The following ACCSL variants were observed in gnomAD, a reference collection of about 807,000 sequenced individuals.
The protein encoded by ACCSL is probable inactive 1-aminocyclopropane-1-carboxylate synthase-like protein 2.
ACCSL carries 55 observed loss-of-function variants against 61.7 expected under a neutral mutation model. The ratio of observed to expected loss-of-function variants is 0.89; its 90% CI spans 0.72 to 1.12. The LOEUF (loss-of-function observed/expected upper bound fraction) is 1.12, where lower values mean the gene tolerates loss of function less well. Among genes scored for constraint, ACCSL ranks in the 50% most tolerant of loss-of-function variants. The pLI is 0.00. For synonymous variants in ACCSL, 258 were observed against 264.3 expected (o/e 0.98, Z 0.23); for missense variants, 632 against 698.0 (o/e 0.91, Z 1.07).
the ACCSL span, among the ~76,000 whole-genome samples, chr11:43,952,494 C>T: frequency 6.6e-6 from 1 of 152,184 alleles, no homozygotes; most frequent in Non-Finnish European, 1.5e-5. Flanking sequence ...CGTCCCCTGA[C>T]CTAACCAGTT....
chr11:43,980,089 T>C, the ACCSL span, among the ~76,000 whole-genome samples: 4 of 152,224 alleles, frequency 2.6e-5, no homozygotes, highest in African/African-American at 9.6e-5. Context: ...CTTCTTTTTC[T>C]TCTTTGTAAT....
At chr11:44,003,716 A>G in the ACCSL span, among the ~76,000 whole-genome samples, 39 of 151,750 alleles carry the variant, frequency 2.6e-4, no homozygotes, top group Non-Finnish European at 4.6e-4. Flanking sequence ...TTTTCATCCT[A>G]TACAACCGAA....
chr11:43,962,445 T>A, the ACCSL span, among the ~76,000 whole-genome samples: 1 of 152,182 alleles, frequency 6.6e-6, no homozygotes, highest in African/African-American at 2.4e-5. Flanking sequence ...CTGGCCAGAT[T>A]TCAAACAGAG....
intron 3 of ACCSL, 59 bp downstream of exon 3, chr11:44,050,681 A>G (rs1248518386): frequency 1.3e-6 from 2 of 1,548,098 alleles, no homozygotes; most frequent in Admixed American, 1.8e-5. Flanking sequence ...CTTATCCAGA[A>G]GGAGGATTCA....
the ACCSL span, among the ~76,000 whole-genome samples, chr11:43,925,658 C>G: frequency 8.5e-5 from 13 of 152,050 alleles, no homozygotes; most frequent in Middle Eastern, 3.2e-3. Context: ...CCCACCCCTA[C>G]CCTAGCCTCC....
the ACCSL span, among the ~76,000 whole-genome samples, chr11:43,982,776 C>T: frequency 6.6e-6 from 1 of 152,158 alleles, no homozygotes; most frequent in Non-Finnish European, 1.5e-5. Context: ...TGTGGAGGTT[C>T]AGGTCCCCAG....
chr11:44,023,716 T>C, the ACCSL span, among the ~76,000 whole-genome samples: 1 of 151,862 alleles, frequency 6.6e-6, no homozygotes, highest in African/African-American at 2.4e-5. Flanking sequence ...TTTAATTTTC[T>C]AATTTCTGAA....
chr11:43,982,973 C>T, the ACCSL span, among the ~76,000 whole-genome samples: 27 of 152,324 alleles, frequency 1.8e-4, no homozygotes, highest in African/African-American at 6.3e-4. Context: ...GGCAGGCCTC[C>T]AGCCCCTAGT....
intron 1 of ACCSL, among the ~76,000 whole-genome samples, chr11:44,049,113 G>A (rs780457662): frequency 1.3e-5 from 2 of 152,060 alleles, no homozygotes; most frequent in Non-Finnish European, 2.9e-5. Context: ...AGGTGGATGG[G>A]AGGTGTTAAG....
At chr11:43,992,240 G>C in the ACCSL span, among the ~76,000 whole-genome samples, 2 of 150,934 alleles carry the variant, frequency 1.3e-5, no homozygotes, top group African/African-American at 2.4e-5. Context: ...TTTTTGTTGA[G>C]ACCGGGTTTT....
the ACCSL span, among the ~76,000 whole-genome samples, chr11:44,006,205 G>T: frequency 1.3e-5 from 2 of 152,212 alleles, no homozygotes; most frequent in Non-Finnish European, 2.9e-5. Context: ...TAGGGGCAGG[G>T]TGCTAGGTGG....
chr11:43,926,820 G>A, the ACCSL span, among the ~76,000 whole-genome samples: 3 of 152,182 alleles, frequency 2.0e-5, 1 homozygote, highest in South Asian at 6.2e-4. Context: ...TGCAATCATG[G>A]CTCACTGCAG....
chr11:43,935,108 C>T, the ACCSL span, among the ~76,000 whole-genome samples: 1 of 152,166 alleles, frequency 6.6e-6, no homozygotes, highest in Non-Finnish European at 1.5e-5. Context: ...GAATGGGTCC[C>T]CTCATCCTCC....
At chr11:43,962,374 T>C in the ACCSL span, among the ~76,000 whole-genome samples, 1 of 152,232 alleles carries the variant, frequency 6.6e-6, no homozygotes, top group Non-Finnish European at 1.5e-5. Flanking sequence ...TTAGTGAGTA[T>C]TGGCTGTTCC....
chr11:43,967,167 C>CAT, the ACCSL span, among the ~76,000 whole-genome samples: 1 of 62,694 alleles, frequency 1.6e-5, no homozygotes, highest in Non-Finnish European at 2.7e-5. Context: ...TCTTCTTCTT[C>CAT]TTTTTTTTTT....
the ACCSL span, among the ~76,000 whole-genome samples, chr11:43,939,240 C>G: frequency 1.3e-5 from 2 of 152,172 alleles, no homozygotes; most frequent in African/African-American, 4.8e-5. Context: ...AATATTTTGT[C>G]CCAGCATAAC....
chr11:43,997,827 C>G, the ACCSL span, among the ~76,000 whole-genome samples: 2 of 152,200 alleles, frequency 1.3e-5, no homozygotes, highest in Middle Eastern at 3.2e-3. Context: ...GCAGTGCTAG[C>G]AGCAGCAGCT....
chr11:44,023,930 T>G, the ACCSL span, among the ~76,000 whole-genome samples: 2 of 152,222 alleles, frequency 1.3e-5, no homozygotes, highest in Non-Finnish European at 2.9e-5. Flanking sequence ...GTGTGTTGTT[T>G]AATTTCCACA....
the ACCSL span, among the ~76,000 whole-genome samples, chr11:44,015,253 C>G: frequency 6.6e-6 from 1 of 152,204 alleles, no homozygotes; most frequent in African/African-American, 2.4e-5. Context: ...TGCAATACAC[C>G]AGACAATAAA....
Sources: gnomAD v4.1 joint callset for allele counts (sites outside exome capture counted in the v4.1 genomes callset) on GRCh38, gnomAD v4.1.1 for gene constraint, MANE v1.5 for transcripts, NCBI Gene and HGNC (gene_info 2026-07-23, HGNC 2026-07-21) for gene names.